The following AKAP13 variants were observed in gnomAD, a reference collection of about 807,000 sequenced individuals.
AKAP13 encodes the protein A-kinase anchoring protein 13.
A neutral mutation model predicts 264.5 loss-of-function variants in AKAP13; 80 were observed. The observed-to-expected ratio is 0.30, with a 90% CI of 0.25 to 0.36. The LOEUF (loss-of-function observed/expected upper bound fraction) is 0.36, where lower values mean the gene tolerates loss of function less well. AKAP13 is among the 10% of genes least tolerant of loss of function. The pLI, the probability that AKAP13 is intolerant of heterozygous loss-of-function variation, is 1.00. For missense variants in AKAP13, 3,712 were observed against 3,435.2 expected, an observed-to-expected ratio of 1.08 and a Z score of -2.01; for synonymous variants, 1,380 against 1,250.2, an observed-to-expected ratio of 1.10 and a Z score of -2.19.
chr15:85,487,293 A>G (rs2075584063), intron 2 of AKAP13, among the ~76,000 whole-genome samples: 1 of 152,188 alleles, frequency 6.6e-6, no homozygotes. Flanking sequence ...GTCTGGTACA[A>G]CATTGAATAG....
At chr15:85,577,563 T>C (rs890062733) in intron 6 of AKAP13, among the ~76,000 whole-genome samples, 2 of 152,218 alleles carry the variant, frequency 1.3e-5, no homozygotes, top group African/African-American at 4.8e-5. Flanking sequence ...ATGGCTAGTA[T>C]TTCTTCCATC....
rs961873079 is a variant in AKAP13, at chr15:85,748,515, C to G, written c.*3838C>G. 1 of 152,228 alleles carries G rather than the reference C, an allele frequency of 6.6e-6. No individual in the cohort carries two copies. The allele number at this position is 152,228 out of a possible 1,614,324, so 9.4% of individuals were successfully genotyped here. The stretch of plus-strand genomic sequence containing the variant: ...CCATCCTCAGAGACAAAGAAGAGGG[C>G]AGGGAGTTTGGGCTTGGTTTTGAAC... On this transcript the variant is annotated 3_prime_UTR_variant, in exon 37 of 37. Transcript: ENST00000394518.
chr15:85,711,905 T>C (rs1429797199), intron 19 of AKAP13, among the ~76,000 whole-genome samples: 1 of 152,174 alleles, frequency 6.6e-6, no homozygotes, highest in Non-Finnish European at 1.5e-5. Context: ...TGATCATAGC[T>C]CACTGTAACC....
At chr15:85,497,681 TTCA>T (rs200424521) in intron 2 of AKAP13, among the ~76,000 whole-genome samples, 2,809 of 152,284 alleles carry the variant, frequency 0.018, 43 homozygotes, top group Non-Finnish European at 0.031. Flanking sequence ...AAAAATTCAC[TTCA>T]TCAAATAGTG....
chr15:85,504,480 G>C (rs1183365537), intron 2 of AKAP13, among the ~76,000 whole-genome samples: 1 of 120,204 alleles, frequency 8.3e-6, no homozygotes, highest in Non-Finnish European at 1.6e-5. Context: ...CAGCCTATGC[G>C]ATGTGGTGAG....
At chr15:85,661,350 T>C (rs1373130763) in intron 12 of AKAP13, among the ~76,000 whole-genome samples, 1 of 152,212 alleles carries the variant, frequency 6.6e-6, no homozygotes, top group Non-Finnish European at 1.5e-5. Context: ...TTTTATCTTG[T>C]AGGAAAAATG....
chr15:85,504,946 C>G (rs946878383), intron 2 of AKAP13, among the ~76,000 whole-genome samples: 3 of 152,006 alleles, frequency 2.0e-5, no homozygotes, highest in Admixed American at 6.6e-5. Flanking sequence ...ATCTCTCTCT[C>G]TCTCCCTCTC....
intron 1 of AKAP13, among the ~76,000 whole-genome samples, chr15:85,416,049 G>A (rs2072230802): frequency 6.6e-6 from 1 of 152,158 alleles, no homozygotes; most frequent in African/African-American, 2.4e-5. Context: ...AAGTGAGATG[G>A]GAGCACAGAA....
At position 85,520,069 on chromosome 15, in the gene AKAP13, C is replaced by A. The variant is rs2076758367; in HGVS notation, c.34-1359C>A. ...GCTTTAAACCTTGATGCTTTGTAAT[C>A]TTTTGTTATGGTTACAACAGGAATT... On this transcript the variant is annotated intron_variant, in intron 2 of 36. Transcript: ENST00000394518. 2.0e-5 allele frequency among the ~76,000 whole-genome samples: 3 copies of A among 151,936 alleles called. No individual in the cohort carries two copies. The South Asian group carries it at 6.2e-4, about 32-fold the overall frequency.
chr15:85,464,108 G>T (rs891063707), intron 1 of AKAP13, among the ~76,000 whole-genome samples: 2 of 152,094 alleles, frequency 1.3e-5, no homozygotes, highest in African/African-American at 4.8e-5. Flanking sequence ...CGGCGTCTAT[G>T]ATCCAACAAC....
chr15:85,550,258 G>A (rs940766262), intron 5 of AKAP13, among the ~76,000 whole-genome samples: 5 of 152,166 alleles, frequency 3.3e-5, no homozygotes, highest in African/African-American at 1.2e-4. Flanking sequence ...GAGAGGTAAA[G>A]TGACTTGCCC....
intron 1 of AKAP13, among the ~76,000 whole-genome samples, chr15:85,425,715 C>CA (rs35591622): frequency 0.42 from 38,754 of 92,402 alleles, 6,665 homozygotes; most frequent in Middle Eastern, 0.48. Flanking sequence ...GACTCTGTCT[C>CA]AAAAAAAAAA....
At chr15:85,533,445 A>C in intron 3 of AKAP13, 139 bp from the exon 4 acceptor site, 35 of 653,368 alleles carry the variant, frequency 5.4e-5, no homozygotes, top group Non-Finnish European at 7.5e-5. Flanking sequence ...AAATGCTGTC[A>C]GAGCTCAAGA....
Position 85,719,386 on chromosome 15 carries a change from T to A in AKAP13, c.6252+60T>A, listed in dbSNP as rs991550278. 8.8e-6 allele frequency: 14 copies of A among 1,586,530 alleles called. No individual in the cohort carries two copies. In the African/African-American group the frequency reaches 1.6e-4, roughly 18 times the overall value. On this transcript the variant is annotated intron_variant, in intron 23 of 36. Coordinates refer to ENST00000394518, the MANE Select transcript of AKAP13 (RefSeq NM_007200.5). ...ACTGGGAAAAAGGGAAGTCATGGGGTTCCACAGCCATGCATTCACATCTTC... is the reference window on the plus strand; with the variant it reads ...ACTGGGAAAAAGGGAAGTCATGGGGATCCACAGCCATGCATTCACATCTTC...
intron 14 of AKAP13, among the ~76,000 whole-genome samples, chr15:85,681,283 A>G (rs2084584139): frequency 6.6e-6 from 1 of 152,360 alleles, no homozygotes; most frequent in South Asian, 2.1e-4. Context: ...TCCCTGGAAT[A>G]TACATGGAAA....
intron 14 of AKAP13, among the ~76,000 whole-genome samples, chr15:85,675,981 G>A (rs1488198110): frequency 1.3e-5 from 2 of 151,742 alleles, no homozygotes; most frequent in African/African-American, 2.4e-5. Context: ...GCGCTATCTC[G>A]GCTCACTGCA....
chr15:85,416,668 A>G (rs573499982), intron 1 of AKAP13, among the ~76,000 whole-genome samples: 3 of 152,286 alleles, frequency 2.0e-5, no homozygotes, highest in African/African-American at 7.2e-5. Flanking sequence ...AATCACATCT[A>G]TTATGATTAT....
At chr15:85,530,759 G>T (rs531118260) in intron 3 of AKAP13, among the ~76,000 whole-genome samples, 23 of 152,206 alleles carry the variant, frequency 1.5e-4, no homozygotes, top group African/African-American at 5.3e-4. Flanking sequence ...ACTGACATAC[G>T]TATCACTCCA....
chr15:85,597,882 G>A (rs562555738), intron 8 of AKAP13, among the ~76,000 whole-genome samples: 2 of 152,106 alleles, frequency 1.3e-5, no homozygotes, highest in South Asian at 2.1e-4. Context: ...TAATTCCAGC[G>A]TTTTCTGACA....
Sources: gnomAD v4.1 joint callset for allele counts (sites outside exome capture counted in the v4.1 genomes callset) on GRCh38, gnomAD v4.1.1 for gene constraint, MANE v1.5 for transcripts, NCBI Gene and HGNC (gene_info 2026-07-23, HGNC 2026-07-21) for gene names.